The following MED21 variants were observed in gnomAD, a reference collection of about 807,000 sequenced individuals.
MED21 encodes the protein mediator complex subunit 21, also known as mediator of RNA polymerase II transcription subunit 21.
In MED21, 9 loss-of-function variants were observed where a neutral mutation model predicts 18.2. The observed-to-expected ratio is 0.49, with a 90% CI of 0.30 to 0.86. The LOEUF (loss-of-function observed/expected upper bound fraction) is 0.86. MED21 is among the 40% of genes least tolerant of loss of function. MED21 has a pLI of 0.07. For synonymous variants in MED21, 73 were observed against 60.5 expected, an observed-to-expected ratio of 1.21 and a Z score of -0.96; for missense variants, 150 against 170.9, an observed-to-expected ratio of 0.88 and a Z score of 0.68.
At position 27,028,764 on chromosome 12, in the gene MED21, A is replaced by T. The variant is rs1469061566; in HGVS notation, c.*303A>T. On this transcript the variant is annotated 3_prime_UTR_variant, in exon 4 of 4. Coordinates refer to ENST00000282892, the MANE Select transcript of MED21 (RefSeq NM_004264.5). ...GTAAAATTCTGTTATGACATAATTTATGTCTCCATTTTGTTGTATTGGCCA... is the reference window on the plus strand; with the variant it reads ...GTAAAATTCTGTTATGACATAATTTTTGTCTCCATTTTGTTGTATTGGCCA... The T allele has an allele frequency of 4.8e-6, 5 of 1,032,796 alleles. No homozygotes were observed. Among genetic ancestry groups the T allele is most frequent in the East Asian group, 7.6e-5 (1 of 13,104 alleles). 64.0% of individuals were successfully genotyped at this position (1,032,796 alleles called of 1,614,324 possible). A position where few individuals can be genotyped will look rare whatever the true frequency, so the allele number is the denominator to read the frequency against.
downstream of MED21, among the ~76,000 whole-genome samples, chr12:27,031,679 G>C (rs1016102669): frequency 1.3e-5 from 2 of 151,794 alleles, no homozygotes; most frequent in Non-Finnish European, 2.9e-5. Context: ...GTGTGAGGTA[G>C]AGTCAATGGA....
chr12:27,031,647 C>G (rs746436337), downstream of MED21, among the ~76,000 whole-genome samples: 1 of 151,976 alleles, frequency 6.6e-6, no homozygotes, highest in Admixed American at 6.6e-5. Context: ...TCTGCTACCA[C>G]TTCTGGTAGC....
downstream of MED21, among the ~76,000 whole-genome samples, chr12:27,035,311 C>T (rs992887064): frequency 6.6e-5 from 10 of 151,840 alleles, no homozygotes; most frequent in Admixed American, 5.3e-4. Context: ...GCTAAATATG[C>T]GGTTTCTTTG....
At chr12:27,036,881 C>T (rs1941653090) in intron 2 of MED21, among the ~76,000 whole-genome samples, 1 of 152,166 alleles carries the variant, frequency 6.6e-6, no homozygotes, top group Non-Finnish European at 1.5e-5. Context: ...GTGATGCCTC[C>T]AGCTTTGTTC....
At chr12:27,033,736 C>T (rs892719776), downstream of MED21, among the ~76,000 whole-genome samples, 1 of 152,074 alleles carries the variant, frequency 6.6e-6, no homozygotes, top group South Asian at 2.1e-4. Context: ...AAATCCAATA[C>T]TAAGAGATAA....
chr12:27,036,329 T>C (rs2136498329), intron 2 of MED21, among the ~76,000 whole-genome samples: 1 of 152,372 alleles, frequency 6.6e-6, no homozygotes, highest in Middle Eastern at 3.4e-3. Context: ...CTGTAGATTC[T>C]GGATATTAGC....
rs756818432 is a variant in MED21, at chr12:27,028,510, A to G, written c.*49A>G. ...AGAAAAGAACTGTTTGAGTGCCATT[A>G]AGAATTCTGCATCAGACTTAGATAC... On this transcript the variant is annotated 3_prime_UTR_variant, in exon 4 of 4. Transcript: ENST00000282892. 5 of 1,573,694 alleles carry G rather than the reference A, an allele frequency of 3.2e-6. No homozygotes were observed. The Admixed American group carries it at 8.8e-5, about 28-fold the overall frequency.
chr12:27,027,258 A>G, intron 2 of MED21, 89 bp from the exon 3 acceptor site: 2 of 837,294 alleles, frequency 2.4e-6, no homozygotes, highest in East Asian at 5.1e-5. Context: ...AGAAAAAGCT[A>G]TATGAAGTTT....
intron 2 of MED21, 128 bp from the exon 3 acceptor site, chr12:27,027,219 G>A (rs1345889820): frequency 8.8e-6 from 5 of 570,228 alleles, no homozygotes; most frequent in East Asian, 3.4e-5. Flanking sequence ...GAGCCACCAC[G>A]CCTGGCCGAA....
rs1242151706 is a variant in MED21, at chr12:27,028,464, T to C, written c.*3T>C. On this transcript the variant is annotated 3_prime_UTR_variant, in exon 4 of 4. Coordinates refer to ENST00000282892, the MANE Select transcript of MED21 (RefSeq NM_004264.5). ...GCCAGTCTCTTCCAGACTCATAGCA[T>C]CAGTGGATACCATGTGGCTGAGAAA... 1 of 1,612,338 alleles carries C rather than the reference T, an allele frequency of 6.2e-7. No individual in the cohort carries two copies.
At chr12:27,023,904 T>C (rs1352037917) in intron 1 of MED21, among the ~76,000 whole-genome samples, 2 of 152,236 alleles carry the variant, frequency 1.3e-5, no homozygotes, top group Admixed American at 6.5e-5. Context: ...TCAAGTGTCA[T>C]GGACTGCACA....
rs201128905 is a variant in MED21 at position 27,027,964 on chromosome 12, CCT to C, written c.259-318_259-317del. On this transcript the variant is annotated intron_variant, in intron 3 of 3. Transcript: ENST00000282892. ...TATTCAAATTTCCATTATAAGGAAA[CCT>C]CTTATTTTCCTCAATTTTGTCTCTT... Among the ~76,000 whole-genome samples the C allele has an allele frequency of 1.2e-3, 183 of 152,236 alleles. 4 individuals are homozygous for C. In the East Asian group the frequency reaches 0.028, roughly 24 times the overall value.
chr12:27,036,179 C>T (rs952042019), intron 2 of MED21, among the ~76,000 whole-genome samples: 5 of 152,352 alleles, frequency 3.3e-5, no homozygotes, highest in African/African-American at 1.2e-4. Context: ...TTGCATTTCT[C>T]TGATGGCCAG....
Position 27,027,417 on chromosome 12 carries a change from A to G in MED21, c.228A>G (p.Leu76=). The change falls in exon 3 of 4, where the codon TTA becomes TTG. Residue 76 remains leucine (L), a synonymous_variant. Transcript: ENST00000282892. The part of the protein sequence containing the change: ...AKDIDVLIDS[L]PSEESTAALQ... Reference sequence around the variant, plus strand: ...ACATTGATGTTTTGATAGATTCCTTACCCAGTGAAGAATCTACAGCTGCTT... The same window carrying G: ...ACATTGATGTTTTGATAGATTCCTTGCCCAGTGAAGAATCTACAGCTGCTT... The G allele has an allele frequency of 6.2e-7, 1 of 1,613,676 alleles. No individual in the cohort carries two copies. The highest frequency in any genetic ancestry group is 1.1e-5 in the South Asian group (1 of 91,064).
intron 2 of MED21, among the ~76,000 whole-genome samples, chr12:27,036,535 A>T (rs1941651064): frequency 6.6e-6 from 1 of 152,104 alleles, no homozygotes; most frequent in African/African-American, 2.4e-5. Flanking sequence ...CTGAATGGTA[A>T]TGTCTAGGTT....
chr12:27,028,389 A>C lies in MED21; in HGVS notation c.363A>C (p.Ala121=). ...GDMLLEKIQS[A]LADIAQSQLK... ...TGCTTCTGGAGAAGATACAAAGCGC[A>C]CTTGCTGATATTGCACAGTCACAGC... is the stretch of plus-strand genomic sequence containing the variant. Residue 121 remains alanine, a synonymous_variant, in exon 4 of 4, where the codon GCA becomes GCC. Coordinates refer to ENST00000282892, the MANE Select transcript of MED21 (RefSeq NM_004264.5). 1 of 1,614,162 alleles carries C rather than the reference A, an allele frequency of 6.2e-7. No individual in the cohort carries two copies. The highest frequency in any genetic ancestry group is 8.5e-7 in the Non-Finnish European group (1 of 1,180,012).
intron 1 of MED21, among the ~76,000 whole-genome samples, chr12:27,025,123 A>ATT (rs1327174460): frequency 2.6e-5 from 4 of 152,222 alleles, no homozygotes; most frequent in Non-Finnish European, 5.9e-5. Context: ...ACTGTGTTGA[A>ATT]TATTTTTTTG....
Position 27,029,300 on chromosome 12 carries a change from A to G in MED21, c.*839A>G. On this transcript the variant is annotated 3_prime_UTR_variant, in exon 4 of 4. Transcript: ENST00000282892. ...TCAGACCAGAACATACTTCCACTAC[A>G]TCAGTTACTTGGCATCATTTCACCT... is the stretch of plus-strand genomic sequence containing the variant. The G allele has an allele frequency of 1.0e-6, 1 of 985,362 alleles. No individual in the cohort carries two copies. Among genetic ancestry groups the G allele is most frequent in the Non-Finnish European group, 1.2e-6 (1 of 829,900 alleles). 61.0% of individuals were successfully genotyped at this position (985,362 alleles called of 1,614,324 possible).
chr12:27,022,651 C>T lies in MED21; in HGVS notation c.42+30C>T, dbSNP rs751946244. ...GGAATTTCATTCGATTAGCCTCTGT[C>T]TTTCTCTTTCTTGAGGTAAAGCAAG... On this transcript the variant is annotated intron_variant, in intron 1 of 3. Transcript: ENST00000282892. The T allele has an allele frequency of 4.3e-6, 7 of 1,610,690 alleles. No individual in the cohort carries two copies. The South Asian group carries it at 7.7e-5, about 18-fold the overall frequency.
Sources: gnomAD v4.1 joint callset for allele counts (sites outside exome capture counted in the v4.1 genomes callset) on GRCh38, gnomAD v4.1.1 for gene constraint, MANE v1.5 for transcripts, NCBI Gene and HGNC (gene_info 2026-07-23, HGNC 2026-07-21) for gene names.